SEL1L2: variants seen among roughly 807,000 people sequenced by gnomAD.
SEL1L2 encodes the protein protein sel-1 homolog 2.
SEL1L2 carries 89 observed loss-of-function variants against 98.8 expected under a neutral mutation model. The ratio of observed to expected loss-of-function variants is 0.90; its 90% CI spans 0.76 to 1.07. The LOEUF (loss-of-function observed/expected upper bound fraction) is 1.07, where lower values mean the gene tolerates loss of function less well. Ranked by LOEUF, SEL1L2 falls within the 50% of genes least tolerant of loss-of-function variation. SEL1L2 has a pLI of 0.00. For missense variants in SEL1L2, 788 were observed against 812.0 expected (o/e 0.97, Z 0.36); for synonymous variants, 262 against 278.5 (o/e 0.94, Z 0.59).
chr20:13,983,044 A>AAAAAAAAAAAAAAAAAAAAAC (rs2051932584), intron 1 of SEL1L2, among the ~76,000 whole-genome samples: 5 of 144,294 alleles, frequency 3.5e-5, no homozygotes, highest in Non-Finnish European at 7.6e-5. Flanking sequence ...AAAAAAAAAA[A>AAAAAAAAAAAAAAAAAAAAAC]AAAAGCAGCA....
intron 1 of SEL1L2, among the ~76,000 whole-genome samples, chr20:13,976,830 T>C (rs925927840): frequency 6.6e-6 from 1 of 152,182 alleles, no homozygotes; most frequent in Non-Finnish European, 1.5e-5. Context: ...GGACGTAGAA[T>C]TGACAAGATT....
At chr20:13,973,497 C>A (rs913371630) in intron 1 of SEL1L2, 24 of 152,160 alleles carry the variant, frequency 1.6e-4, no homozygotes, top group African/African-American at 5.8e-4. Context: ...CAGCTTTCTA[C>A]CAGTGACTTT....
chr20:13,931,901 T>C, intron 2 of SEL1L2, 130 bp from the exon 3 acceptor site: 1 of 655,824 alleles, frequency 1.5e-6, no homozygotes, highest in Non-Finnish European at 2.3e-6. Flanking sequence ...AATTCTTGCT[T>C]TTTTCAAATC....
chr20:13,881,627 G>T (rs2046705460), intron 10 of SEL1L2, among the ~76,000 whole-genome samples: 1 of 152,224 alleles, frequency 6.6e-6, no homozygotes, highest in Non-Finnish European at 1.5e-5. Flanking sequence ...CACTAATTAA[G>T]AATTTGGTCA....
chr20:13,912,422 G>A (rs1208634667), intron 5 of SEL1L2, among the ~76,000 whole-genome samples: 1 of 150,750 alleles, frequency 6.6e-6, no homozygotes, highest in Non-Finnish European at 1.5e-5. Context: ...TCAGCCTCTC[G>A]AGCAGCTGGA....
rs185309679 is a variant in SEL1L2 at position 13,855,355 on chromosome 20, A to G, written c.1818+3907T>C. ...TGGACTTCATTTAGCAATAAAAAGTAAATAAGATTCTTTTTATTTGTATGT... is the reference window on the plus strand; with the variant it reads ...TGGACTTCATTTAGCAATAAAAAGTGAATAAGATTCTTTTTATTTGTATGT... On this transcript the variant is annotated intron_variant, in intron 18 of 19. Transcript: ENST00000284951. Among the ~76,000 whole-genome samples the G allele has an allele frequency of 2.7e-5, 4 of 149,104 alleles. No individual in the cohort carries two copies. In the East Asian group the frequency reaches 7.7e-4, roughly 29 times the overall value.
At chr20:13,919,449 G>A (rs573293338) in intron 3 of SEL1L2, among the ~76,000 whole-genome samples, 168 of 152,300 alleles carry the variant, frequency 1.1e-3, no homozygotes, top group African/African-American at 3.7e-3. Context: ...GAAGGCAGGA[G>A]ATGCCTGGTA....
intron 1 of SEL1L2, among the ~76,000 whole-genome samples, chr20:13,987,909 T>G (rs891084111): frequency 6.6e-6 from 1 of 152,222 alleles, no homozygotes. Flanking sequence ...TCACAAAAAT[T>G]TTCTCTCATT....
chr20:13,856,275 A>T (rs1989143637), intron 18 of SEL1L2, among the ~76,000 whole-genome samples: 1 of 152,046 alleles, frequency 6.6e-6, no homozygotes, highest in Non-Finnish European at 1.5e-5. Context: ...GACAATAGGC[A>T]CATGCTACCT....
intron 17 of SEL1L2, among the ~76,000 whole-genome samples, chr20:13,862,628 A>T (rs1299896955): frequency 6.6e-6 from 1 of 152,128 alleles, no homozygotes; most frequent in Non-Finnish European, 1.5e-5. Context: ...TAATACCATG[A>T]GCCTTCTTTA....
intron 17 of SEL1L2, among the ~76,000 whole-genome samples, chr20:13,864,856 C>T (rs183765652): frequency 1.3e-5 from 2 of 152,234 alleles, no homozygotes; most frequent in Admixed American, 1.3e-4. Context: ...TGAGTGAAGC[C>T]AGACCAAGAA....
At chr20:13,849,851 C>T (rs1035331982) in intron 19 of SEL1L2, among the ~76,000 whole-genome samples, 2 of 152,186 alleles carry the variant, frequency 1.3e-5, no homozygotes, top group African/African-American at 4.8e-5. Context: ...TGTGGTATCC[C>T]TTGCCACCTG....
rs143512114 is a variant in SEL1L2, at chr20:13,889,494, A to T, written c.550-982T>A. Reference sequence around the variant, plus strand: ...TTGGAAACGAAATATTTTTCCTTCAATATTTAAAACATTTAGGCTGGGTGC... The same window carrying T: ...TTGGAAACGAAATATTTTTCCTTCATTATTTAAAACATTTAGGCTGGGTGC... On this transcript the variant is annotated intron_variant, in intron 5 of 19. Transcript: ENST00000284951. Among the ~76,000 whole-genome samples, 587 of 152,140 alleles carry T rather than the reference A, an allele frequency of 3.9e-3. 4 individuals carry two copies. The highest frequency in any genetic ancestry group is 0.013 in the African/African-American group (558 of 41,496).
chr20:13,896,336 G>T (rs924991743), intron 5 of SEL1L2, among the ~76,000 whole-genome samples: 1 of 152,074 alleles, frequency 6.6e-6, no homozygotes, highest in Non-Finnish European at 1.5e-5. Flanking sequence ...TGGGCACGGT[G>T]GGGGGCGCCT....
chr20:13,895,718 T>A (rs1307591880), intron 5 of SEL1L2, among the ~76,000 whole-genome samples: 3 of 152,208 alleles, frequency 2.0e-5, no homozygotes, highest in Non-Finnish European at 4.4e-5. Flanking sequence ...CTACTTCCAT[T>A]CAGCATAGTC....
At chr20:13,932,444 A>T (rs867325082) in intron 2 of SEL1L2, among the ~76,000 whole-genome samples, 3,100 of 103,994 alleles carry the variant, frequency 0.03, 51 homozygotes, top group Non-Finnish European at 0.048. Flanking sequence ...TATTATTATT[A>T]TTTTTTGAGA....
intron 5 of SEL1L2, among the ~76,000 whole-genome samples, chr20:13,912,292 A>ATTTTTTTTTTTTTTT (rs11478603): frequency 9.0e-6 from 1 of 111,346 alleles, no homozygotes. Context: ...TTTCTGTGGG[A>ATTTTTTTTTTTTTTT]TTTTTTTTTT....
At chr20:13,989,308 T>A (rs770877561) in intron 1 of SEL1L2, among the ~76,000 whole-genome samples, 2 of 152,010 alleles carry the variant, frequency 1.3e-5, no homozygotes, top group Non-Finnish European at 2.9e-5. Context: ...TAGAACTTTT[T>A]TTTTGTATTT....
At chr20:13,986,808 T>C (rs2052207598) in intron 1 of SEL1L2, among the ~76,000 whole-genome samples, 2 of 152,212 alleles carry the variant, frequency 1.3e-5, no homozygotes, top group South Asian at 4.1e-4. Context: ...TATAGGTTGG[T>C]GCAAAAGTAA....
Sources: gnomAD v4.1 joint callset for allele counts (sites outside exome capture counted in the v4.1 genomes callset) on GRCh38, gnomAD v4.1.1 for gene constraint, MANE v1.5 for transcripts, NCBI Gene and HGNC (gene_info 2026-07-23, HGNC 2026-07-21) for gene names.